The following RANBP2 variants were observed in gnomAD, a reference collection of about 807,000 sequenced individuals.
RANBP2 encodes the protein E3 SUMO-protein ligase RanBP2.
A neutral mutation model predicts 303.6 loss-of-function variants in RANBP2; 57 were observed. The observed-to-expected ratio is 0.19, with a 90% CI of 0.15 to 0.23. The LOEUF is 0.23. RANBP2 is among the 10% of genes least tolerant of loss of function. The pLI is 1.00. For synonymous variants in RANBP2, 1,167 were observed against 1,301.5 expected, an observed-to-expected ratio of 0.90 and a Z score of 2.23; for missense variants, 3,138 against 3,780.8, an observed-to-expected ratio of 0.83 and a Z score of 4.46.
At chr2:109,323,228 C>T in the RANBP2 span, among the ~76,000 whole-genome samples, 1 of 152,188 alleles carries the variant, frequency 6.6e-6, no homozygotes, top group Non-Finnish European at 1.5e-5. Flanking sequence ...TCAGGACCCT[C>T]TGGCTCATCA....
chr2:109,167,924 A>G, the RANBP2 span, among the ~76,000 whole-genome samples: 1 of 152,140 alleles, frequency 6.6e-6, no homozygotes, highest in Non-Finnish European at 1.5e-5. Flanking sequence ...AAGGAGCTAT[A>G]GTTGTGTTTA....
At chr2:108,762,293 T>G (rs1487546973) in intron 19 of RANBP2, 98 bp downstream of exon 19, 33 of 1,187,244 alleles carry the variant, frequency 2.8e-5, no homozygotes, top group African/African-American at 3.6e-5. Flanking sequence ...CTATTAAAAC[T>G]TTTATGTCCC....
At chr2:109,142,060 G>C in the RANBP2 span, among the ~76,000 whole-genome samples, 1 of 151,642 alleles carries the variant, frequency 6.6e-6, no homozygotes, top group African/African-American at 2.4e-5. Flanking sequence ...GGGGTCTCAG[G>C]TATGTGCCTA....
chr2:109,577,242 T>C, the RANBP2 span, among the ~76,000 whole-genome samples: 1 of 152,180 alleles, frequency 6.6e-6, no homozygotes, highest in Non-Finnish European at 1.5e-5. Flanking sequence ...ACAGAAATTT[T>C]TGGTTAATAG....
the RANBP2 span, among the ~76,000 whole-genome samples, chr2:109,384,744 C>T: frequency 2.0e-5 from 3 of 152,070 alleles, no homozygotes; most frequent in Non-Finnish European, 4.4e-5. Context: ...GTGGAGGGAG[C>T]CTTCTAGACT....
the RANBP2 span, among the ~76,000 whole-genome samples, chr2:108,963,760 C>T: frequency 6.6e-6 from 1 of 152,206 alleles, no homozygotes; most frequent in African/African-American, 2.4e-5. Context: ...GACTGCCTGG[C>T]CTGGGGCCTG....
At chr2:108,786,724 GGGGGC>G (rs1223515672), downstream of RANBP2, 7 of 1,140,314 alleles carry the variant, frequency 6.1e-6, no homozygotes, top group African/African-American at 1.1e-4. Flanking sequence ...CGTGCCTCGG[GGGGGC>G]GGGGTCTGGC....
At chr2:109,246,113 A>G in the RANBP2 span, among the ~76,000 whole-genome samples, 1 of 152,222 alleles carries the variant, frequency 6.6e-6, no homozygotes, top group Non-Finnish European at 1.5e-5. Context: ...CTGTTTCTTC[A>G]TTTGTGAAGT....
At chr2:109,459,110 GTCT>G in the RANBP2 span, among the ~76,000 whole-genome samples, 4 of 152,110 alleles carry the variant, frequency 2.6e-5, no homozygotes, top group South Asian at 6.2e-4. Context: ...GTGGTGCTTC[GTCT>G]TCTTCTTGAT....
chr2:109,504,209 C>G, the RANBP2 span: 1 of 152,216 alleles, frequency 6.6e-6, no homozygotes, highest in African/African-American at 2.4e-5. Context: ...TGAAACTAAC[C>G]CTTATGTTTC....
At chr2:109,080,949 T>A in the RANBP2 span, among the ~76,000 whole-genome samples, 1,458 of 152,296 alleles carry the variant, frequency 9.6e-3, 23 homozygotes, top group African/African-American at 0.034. Context: ...CCAGGCTGGA[T>A]GCTGTGCCAC....
Position 108,763,783 on chromosome 2 carries a change from A to C in RANBP2, c.3244A>C (p.Ser1082Arg), listed in dbSNP as rs754740982. ...TAAACCCTTGCAAGGAGATGGCTAT[A>C]GTGGAGCCAAACCAATTCCTGGTGG... Reference protein sequence around the residue: ...SDKPLQGDGYSGAKPIPGGQT... With the variant: ...SDKPLQGDGYRGAKPIPGGQT... Residue 1082 changes from serine (S) to arginine (R), a missense_variant, in exon 20 of 29, where the codon AGT (serine) becomes CGT (arginine). Coordinates refer to ENST00000283195, the MANE Select transcript of RANBP2 (RefSeq NM_006267.5). 1 of 1,614,144 alleles carries C rather than the reference A, an allele frequency of 6.2e-7. No individual in the cohort carries two copies. Among genetic ancestry groups the C allele is most frequent in the South Asian group, 1.1e-5 (1 of 91,088 alleles).
At chr2:109,271,196 G>A in the RANBP2 span, among the ~76,000 whole-genome samples, 1 of 152,152 alleles carries the variant, frequency 6.6e-6, no homozygotes, top group African/African-American at 2.4e-5. Flanking sequence ...AGCAAAACAA[G>A]GTTTGCCGGC....
At chr2:109,523,392 T>C in the RANBP2 span, among the ~76,000 whole-genome samples, 3 of 152,020 alleles carry the variant, frequency 2.0e-5, no homozygotes, top group Non-Finnish European at 4.4e-5. Flanking sequence ...ATGCTCAGGG[T>C]CTACATGGAA....
At chr2:109,170,088 T>C in the RANBP2 span, among the ~76,000 whole-genome samples, 4 of 152,236 alleles carry the variant, frequency 2.6e-5, no homozygotes, top group Admixed American at 2.6e-4. Context: ...TGCCAGAAAC[T>C]ATAATCTCTA....
chr2:109,619,899 A>AT, the RANBP2 span, among the ~76,000 whole-genome samples: 1 of 152,206 alleles, frequency 6.6e-6, no homozygotes, highest in African/African-American at 2.4e-5. Flanking sequence ...AAATCACTGA[A>AT]TATTAGAGGG....
the RANBP2 span, among the ~76,000 whole-genome samples, chr2:108,940,522 C>G: frequency 6.6e-6 from 1 of 152,244 alleles, no homozygotes; most frequent in Non-Finnish European, 1.5e-5. Flanking sequence ...GTACTCTGGG[C>G]TCCCCTGGGC....
the RANBP2 span, among the ~76,000 whole-genome samples, chr2:109,157,509 G>A: frequency 6.6e-6 from 1 of 152,138 alleles, no homozygotes; most frequent in Non-Finnish European, 1.5e-5. Context: ...ATCTGAAACT[G>A]GCCTTAGAGA....
the RANBP2 span, among the ~76,000 whole-genome samples, chr2:109,130,576 G>A: frequency 1.7e-4 from 26 of 152,250 alleles, no homozygotes; most frequent in African/African-American, 4.8e-4. Context: ...GTGTGGCTAA[G>A]GAGGGGAGGG....
Sources: allele counts gnomAD v4.1 joint callset (sites outside exome capture counted in the v4.1 genomes callset), GRCh38; gene constraint gnomAD v4.1.1; transcripts MANE v1.5; gene names NCBI Gene and HGNC (gene_info 2026-07-23, HGNC 2026-07-21).